CD163L1: variants seen among roughly 807,000 people sequenced by gnomAD.
CD163L1 encodes scavenger receptor cysteine-rich type 1 protein M160.
A neutral mutation model predicts 165.4 loss-of-function variants in CD163L1; 124 were observed. That is an observed-to-expected ratio of 0.75 (90% CI 0.65 to 0.87). The LOEUF (loss-of-function observed/expected upper bound fraction) is 0.87. Ranked by LOEUF, CD163L1 falls within the 40% of genes least tolerant of loss-of-function variation. The pLI, the probability that CD163L1 is intolerant of heterozygous loss-of-function variation, is 0.00. For synonymous variants in CD163L1, 585 were observed against 662.2 expected, an observed-to-expected ratio of 0.88 and a Z score of 1.79; for missense variants, 1,525 against 1,799.9, an observed-to-expected ratio of 0.85 and a Z score of 2.76.
At chr12:7,362,080 TA>T (rs1946903911) in intron 18 of CD163L1, among the ~76,000 whole-genome samples, 1 of 149,564 alleles carries the variant, frequency 6.7e-6, no homozygotes, top group African/African-American at 2.4e-5. Flanking sequence ...CCATTGTATA[TA>T]TACACATACA....
chr12:7,403,987 T>C, intron 5 of CD163L1, 132 bp from the exon 6 acceptor site: 2 of 542,304 alleles, frequency 3.7e-6, no homozygotes, highest in Admixed American at 7.5e-5. Context: ...GACTAAAGAC[T>C]GGAAATCATT....
rs139492159 is a variant in CD163L1, at chr12:7,380,883, C to T, written c.2051-1585G>A. ...TGAAGGAAATTTTTAGCAGTATTGA[C>T]ATAAAATGAAATGAATCTCATTCTA... On this transcript the variant is annotated intron_variant, in intron 8 of 19. Coordinates refer to ENST00000313599, the MANE Select transcript of CD163L1 (RefSeq NM_174941.6). 6.7e-4 allele frequency among the ~76,000 whole-genome samples: 102 copies of T among 152,194 alleles called. No homozygotes were observed. The East Asian group carries it at 0.019, about 28-fold the overall frequency.
At chr12:7,410,062 A>G (rs1475449842) in intron 4 of CD163L1, among the ~76,000 whole-genome samples, 1 of 152,104 alleles carries the variant, frequency 6.6e-6, no homozygotes, top group Non-Finnish European at 1.5e-5. Context: ...ATAAAAATAA[A>G]CCAAATGAAG....
At chr12:7,403,095 C>T (rs1555199857) in intron 6 of CD163L1, among the ~76,000 whole-genome samples, 1 of 151,936 alleles carries the variant, frequency 6.6e-6, no homozygotes, top group Non-Finnish European at 1.5e-5. Context: ...TCAACATATG[C>T]ATATAAATAT....
At chr12:7,390,091 CATGGA>C (rs1947618681) in intron 8 of CD163L1, among the ~76,000 whole-genome samples, 1 of 151,090 alleles carries the variant, frequency 6.6e-6, no homozygotes, top group Non-Finnish European at 1.5e-5. Flanking sequence ...ATAAGCCAGG[CATGGA>C]AAGACAAATA....
chr12:7,403,505 G>A lies in CD163L1; in HGVS notation c.1408+30C>T, dbSNP rs150102497. 1.3e-4 allele frequency: 200 copies of A among 1,570,918 alleles called. No individual in the cohort carries two copies. The African/African-American group carries it at 2.4e-3, about 19-fold the overall frequency. On this transcript the variant is annotated intron_variant, in intron 6 of 19. Coordinates refer to ENST00000313599, the MANE Select transcript of CD163L1 (RefSeq NM_174941.6). ...ACAGATTATTTCTAAAAATTCAAAT[G>A]TGTACACTCTCATGATCTTTGAACC...
At chr12:7,370,085 G>A (rs1395868919) in intron 14 of CD163L1, among the ~76,000 whole-genome samples, 13 of 151,990 alleles carry the variant, frequency 8.6e-5, no homozygotes, top group Admixed American at 5.9e-4. Flanking sequence ...CTGCTTCTGT[G>A]CCCTCCAATT....
chr12:7,433,788 A>C, intron 2 of CD163L1, 94 bp from the exon 3 acceptor site: 1 of 941,486 alleles, frequency 1.1e-6, no homozygotes, highest in Non-Finnish European at 1.6e-6. Context: ...CATTTAGTTT[A>C]AATGTTGTTA....
intron 4 of CD163L1, among the ~76,000 whole-genome samples, chr12:7,408,198 G>A (rs2136538085): frequency 6.6e-6 from 1 of 151,998 alleles, no homozygotes; most frequent in South Asian, 2.1e-4. Context: ...TTAAATGAAT[G>A]AGATTTTTTT....
Position 7,369,439 on chromosome 12 carries a change from C to T in CD163L1, c.3957G>A (p.Glu1319=), listed in dbSNP as rs1027790002. ...WLDDMRCKGN[E]SFLWDCHAKP... ...TGGCGTGACAGTCCCATAGAAATGA[C>T]TCATTTCCTTTGCACCGCATGTCAT... The change falls in exon 15 of 20, where the codon GAG becomes GAA. Residue 1319 remains glutamate (E), a synonymous_variant. Coordinates refer to ENST00000313599, the MANE Select transcript of CD163L1 (RefSeq NM_174941.6). The surrounding 1 kb of genome is among the most constrained non-coding windows in gnomAD (Gnocchi z 4.9). 1.4e-5 allele frequency: 22 copies of T among 1,614,038 alleles called. No individual in the cohort carries two copies. The highest frequency in any genetic ancestry group is 1.7e-5 in the Non-Finnish European group (20 of 1,180,028).
intron 1 of CD163L1, 99 bp from the exon 2 acceptor site, chr12:7,441,345 G>A: frequency 1.2e-6 from 1 of 844,546 alleles, no homozygotes; most frequent in South Asian, 1.6e-5. Context: ...GAAGGAGTAA[G>A]ATGAATTATT....
chr12:7,327,759 T>C, the CD163L1 span, among the ~76,000 whole-genome samples: 26 of 151,828 alleles, frequency 1.7e-4, no homozygotes, highest in East Asian at 3.9e-3. Flanking sequence ...AGTCACTAAA[T>C]CAGTGACTGT....
At chr12:7,332,382 T>A in the CD163L1 span, among the ~76,000 whole-genome samples, 1 of 152,100 alleles carries the variant, frequency 6.6e-6, no homozygotes, top group South Asian at 2.1e-4. Context: ...CAGGAGAACT[T>A]CCCCAATCTA....
At chr12:7,436,938 T>C (rs1221547562) in intron 2 of CD163L1, among the ~76,000 whole-genome samples, 1 of 151,044 alleles carries the variant, frequency 6.6e-6, no homozygotes, top group Non-Finnish European at 1.5e-5. Context: ...ACACAGCCAA[T>C]AAAACAAGGT....
At chr12:7,336,868 C>A in the CD163L1 span, among the ~76,000 whole-genome samples, 1 of 151,840 alleles carries the variant, frequency 6.6e-6, no homozygotes, top group Non-Finnish European at 1.5e-5. Flanking sequence ...GCCAAGACAA[C>A]CCTAAGCAAA....
rs778050857 is a variant in CD163L1, at chr12:7,400,968, C to A, written c.1409-2384G>T. On this transcript the variant is annotated intron_variant, in intron 6 of 19. Transcript: ENST00000313599. This position sits in a 1 kb window ranked among gnomAD's most constrained non-coding sequence, Gnocchi z 4.1. The stretch of plus-strand genomic sequence containing the variant: ...CACAGCAGAAAAATGGCCAAAGAAG[C>A]AGAAATGCTAACACATAAACAAATA... Among the ~76,000 whole-genome samples, 8 of 152,116 alleles carry A rather than the reference C, an allele frequency of 5.3e-5. No individual in the cohort carries two copies. In the East Asian group the frequency reaches 1.4e-3, roughly 26 times the overall value.
intron 4 of CD163L1, among the ~76,000 whole-genome samples, chr12:7,431,688 A>G (rs756157013): frequency 2.0e-5 from 3 of 152,180 alleles, no homozygotes; most frequent in Admixed American, 2.0e-4. Flanking sequence ...GCAAACCAAC[A>G]TGGCACATGT....
intron 4 of CD163L1, among the ~76,000 whole-genome samples, chr12:7,428,154 C>A (rs1948574533): frequency 6.6e-6 from 1 of 151,926 alleles, no homozygotes; most frequent in Non-Finnish European, 1.5e-5. Context: ...ACTATAAAAT[C>A]CTAGCTGTTT....
chr12:7,320,747 C>T, the CD163L1 span: 15 of 1,613,590 alleles, frequency 9.3e-6, 1 homozygote, highest in South Asian at 3.3e-5. Context: ...TATCCCATCA[C>T]GACCCTGTGC....
Sources: allele counts gnomAD v4.1 joint callset (sites outside exome capture counted in the v4.1 genomes callset), GRCh38; gene constraint gnomAD v4.1.1; non-coding constraint Gnocchi (gnomAD v3.1); transcripts MANE v1.5; gene names NCBI Gene and HGNC (gene_info 2026-07-23, HGNC 2026-07-21).